The following PTPRN2 variants were observed in gnomAD, a reference collection of about 807,000 sequenced individuals.
The protein encoded by PTPRN2 is receptor-type tyrosine-protein phosphatase N2.
In PTPRN2, 74 loss-of-function variants were observed where a neutral mutation model predicts 118.8. The ratio of observed to expected loss-of-function variants is 0.62; its 90% CI spans 0.52 to 0.76. The LOEUF (loss-of-function observed/expected upper bound fraction) is 0.76. PTPRN2 is among the 30% of genes least tolerant of loss of function. PTPRN2 has a pLI of 0.00. For missense variants in PTPRN2, 1,481 were observed against 1,394.4 expected (o/e 1.06, Z -0.99); for synonymous variants, 641 against 608.0 (o/e 1.05, Z -0.80).
In PTPRN2 at chr7:158,574,728, T is replaced by A. The variant is rs1828231858; in HGVS notation, c.112+12830A>T. Among the ~76,000 whole-genome samples, 2 of 152,270 alleles carry A rather than the reference T, an allele frequency of 1.3e-5. No homozygotes were observed. The highest frequency in any genetic ancestry group is 2.4e-5 in the African/African-American group (1 of 41,476). Reference sequence around the variant, plus strand: ...TTGTTCTGCCATAATTTAGGCCAAATTCTTCCTCTGCTACATGTGAGGACT... The same window carrying A: ...TTGTTCTGCCATAATTTAGGCCAAAATCTTCCTCTGCTACATGTGAGGACT... On this transcript the variant is annotated intron_variant, in intron 1 of 22. Coordinates refer to ENST00000389418, the MANE Select transcript of PTPRN2 (RefSeq NM_002847.5). The surrounding 1 kb of genome is among the most constrained non-coding windows in gnomAD (Gnocchi z 4.6).
intron 12 of PTPRN2, among the ~76,000 whole-genome samples, chr7:157,731,210 C>T (rs1048883209): frequency 6.6e-6 from 1 of 152,168 alleles, no homozygotes; most frequent in African/African-American, 2.4e-5. Flanking sequence ...GCCCGCATAT[C>T]AGCTGCTCTG....
At chr7:158,311,014 C>T (rs560444039) in intron 3 of PTPRN2, among the ~76,000 whole-genome samples, 233 of 152,260 alleles carry the variant, frequency 1.5e-3, no homozygotes, top group Non-Finnish European at 1.7e-3. Context: ...GGGTGGATCT[C>T]AGCTCCTCTC....
chr7:157,564,916 T>C (rs1296820746), intron 21 of PTPRN2, among the ~76,000 whole-genome samples: 2 of 152,202 alleles, frequency 1.3e-5, no homozygotes, highest in Non-Finnish European at 2.9e-5. Context: ...TGTCCATTAA[T>C]ACACAAATGA....
rs142717222 is a variant in PTPRN2, at chr7:158,401,106, C to T, written c.164-84174G>A. ...CCGCCACCAGCAAGCACAAGAGGGA[C>T]GTGGGGCCTGATGACGGAGGCAGCA... On this transcript the variant is annotated intron_variant, in intron 2 of 22. Coordinates refer to ENST00000389418, the MANE Select transcript of PTPRN2 (RefSeq NM_002847.5). 9.8e-4 allele frequency among the ~76,000 whole-genome samples: 149 copies of T among 152,232 alleles called. 1 individual carries two copies. The East Asian group carries it at 0.027, about 27-fold the overall frequency.
intron 11 of PTPRN2, among the ~76,000 whole-genome samples, chr7:157,900,245 A>C (rs1441334998): frequency 6.6e-6 from 1 of 152,212 alleles, no homozygotes; most frequent in Non-Finnish European, 1.5e-5. Context: ...GCAGCTACTC[A>C]GCCCTGCCTT....
chr7:158,248,568 A>G (rs1318190248), intron 3 of PTPRN2, among the ~76,000 whole-genome samples: 1 of 152,110 alleles, frequency 6.6e-6, no homozygotes, highest in Non-Finnish European at 1.5e-5. Context: ...GCATATATAC[A>G]CCACACAGTG....
chr7:158,533,342 A>C (rs1825391397), intron 1 of PTPRN2, among the ~76,000 whole-genome samples: 3 of 152,224 alleles, frequency 2.0e-5, no homozygotes, highest in African/African-American at 7.2e-5. Flanking sequence ...AACTTTGCCA[A>C]ACTCACTTGT....
intron 2 of PTPRN2, among the ~76,000 whole-genome samples, chr7:158,378,900 G>A (rs1483026756): frequency 2.6e-5 from 4 of 152,174 alleles, no homozygotes; most frequent in African/African-American, 4.8e-5. Context: ...ACGATCAAGG[G>A]GACTTTAATG....
chr7:158,247,332 C>T (rs1796322370), intron 3 of PTPRN2, among the ~76,000 whole-genome samples: 2 of 152,192 alleles, frequency 1.3e-5, no homozygotes, highest in African/African-American at 2.4e-5. Context: ...AGGAGAAGGC[C>T]GTGATGGGAG....
chr7:158,152,624 G>A (rs1585655148), intron 6 of PTPRN2, among the ~76,000 whole-genome samples: 1 of 152,156 alleles, frequency 6.6e-6, no homozygotes, highest in African/African-American at 2.4e-5. Context: ...CCTAGGTGAG[G>A]ACAGGCACTC....
chr7:157,867,933 A>G (rs1466254297), intron 12 of PTPRN2, among the ~76,000 whole-genome samples: 2 of 152,154 alleles, frequency 1.3e-5, no homozygotes, highest in Non-Finnish European at 2.9e-5. Context: ...AGAGTCCACA[A>G]GAGCAGGACT....
At chr7:157,566,859 A>G (rs1010976312) in intron 21 of PTPRN2, among the ~76,000 whole-genome samples, 13 of 152,150 alleles carry the variant, frequency 8.5e-5, no homozygotes, top group Non-Finnish European at 1.6e-4. Context: ...CCCTGTGGAG[A>G]CGCACGCTGG....
chr7:158,307,579 A>G (rs1801392835), intron 3 of PTPRN2, among the ~76,000 whole-genome samples: 1 of 152,204 alleles, frequency 6.6e-6, no homozygotes, highest in African/African-American at 2.4e-5. Flanking sequence ...CATATCTAAG[A>G]CACTCAATGA....
intron 13 of PTPRN2, among the ~76,000 whole-genome samples, chr7:157,661,007 G>T (rs147545981): frequency 2.0e-5 from 3 of 152,340 alleles, no homozygotes; most frequent in African/African-American, 7.2e-5. Flanking sequence ...ACCCGCCTTG[G>T]CCTCGCAAAG....
chr7:158,456,253 G>A (rs141906175), intron 2 of PTPRN2, among the ~76,000 whole-genome samples: 10 of 148,288 alleles, frequency 6.7e-5, no homozygotes, highest in Non-Finnish European at 1.0e-4. Flanking sequence ...GTAACGGCAC[G>A]GATGCCATCG....
chr7:157,874,568 G>A lies in PTPRN2; in HGVS notation c.1788+24105C>T, dbSNP rs1424846943. Among the ~76,000 whole-genome samples, 1 of 152,162 alleles carries A rather than the reference G, an allele frequency of 6.6e-6. No individual in the cohort carries two copies. The highest frequency in any genetic ancestry group is 1.5e-5 in the Non-Finnish European group (1 of 68,034). The stretch of plus-strand genomic sequence containing the variant: ...CGGGGTCACCTGCACGGCCTCTCGT[G>A]AGTAGGGGGATTTCCTACTCGCTCC... On this transcript the variant is annotated intron_variant, in intron 12 of 22. Coordinates refer to ENST00000389418, the MANE Select transcript of PTPRN2 (RefSeq NM_002847.5). This position sits in a 1 kb window ranked among gnomAD's most constrained non-coding sequence, Gnocchi z 5.8.
intron 6 of PTPRN2, among the ~76,000 whole-genome samples, chr7:158,139,029 A>C (rs1021299976): frequency 3.9e-5 from 6 of 152,054 alleles, no homozygotes; most frequent in African/African-American, 1.2e-4. Context: ...TTACATCTAA[A>C]CACAGCCACA....
At chr7:158,471,602 C>T (rs945118986) in intron 2 of PTPRN2, among the ~76,000 whole-genome samples, 6 of 152,056 alleles carry the variant, frequency 3.9e-5, no homozygotes, top group Admixed American at 1.3e-4. Context: ...GCAGGAGAAT[C>T]GCTTGAACCC....
chr7:157,580,573 C>T lies in PTPRN2; in HGVS notation c.2497-2433G>A, dbSNP rs115929709. Among the ~76,000 whole-genome samples the T allele has an allele frequency of 6.2e-3, 882 of 142,240 alleles. 7 individuals carry two copies. Among genetic ancestry groups the T allele is most frequent in the African/African-American group, 0.022 (833 of 37,576 alleles). 93.3% of individuals were successfully genotyped at this position (142,240 alleles called of 152,430 possible). On this transcript the variant is annotated intron_variant, in intron 17 of 22. Coordinates refer to ENST00000389418, the MANE Select transcript of PTPRN2 (RefSeq NM_002847.5). Reference sequence around the variant, plus strand: ...CTGCACATCTGAGCACCTGCACATCCGAGCCCCTGCACACCCCAGCACCTG... The same window carrying T: ...CTGCACATCTGAGCACCTGCACATCTGAGCCCCTGCACACCCCAGCACCTG...
Sources: allele counts gnomAD v4.1 joint callset (sites outside exome capture counted in the v4.1 genomes callset), GRCh38; gene constraint gnomAD v4.1.1; non-coding constraint Gnocchi (gnomAD v3.1); transcripts MANE v1.5; gene names NCBI Gene and HGNC (gene_info 2026-07-23, HGNC 2026-07-21).